The following ACTR3C variants were observed in gnomAD, a reference collection of about 807,000 sequenced individuals.
ACTR3C encodes actin related protein 3C.
Under a neutral mutation model 26.3 loss-of-function variants are expected in ACTR3C, and 18 were observed. The ratio of observed to expected loss-of-function variants is 0.68; its 90% CI spans 0.47 to 1.01. The LOEUF (loss-of-function observed/expected upper bound fraction) is 1.01, where lower values mean the gene tolerates loss of function less well. Among genes scored for constraint, ACTR3C ranks in the 50% least tolerant of loss-of-function variants. ACTR3C has a pLI of 0.00. For synonymous variants in ACTR3C, 55 were observed against 94.5 expected (o/e 0.58, Z 2.42); for missense variants, 184 against 250.7 (o/e 0.73, Z 1.80).
chr7:150,140,729 T>C, the ACTR3C span, among the ~76,000 whole-genome samples: 2 of 152,174 alleles, frequency 1.3e-5, no homozygotes, highest in East Asian at 1.9e-4. Flanking sequence ...CTTCAAAGTG[T>C]CAAAGTGAAA....
chr7:150,074,017 C>T, the ACTR3C span: 1 of 152,330 alleles, frequency 6.6e-6, no homozygotes. Flanking sequence ...CCAGGGATCA[C>T]TGTCATCACA....
At chr7:150,003,727 TGTG>T in the ACTR3C span, among the ~76,000 whole-genome samples, 5 of 152,170 alleles carry the variant, frequency 3.3e-5, no homozygotes, top group South Asian at 2.1e-4. Flanking sequence ...TCTGGTGTGG[TGTG>T]GTGTGTGGTG....
At chr7:150,268,039 G>A (rs1357482713) in intron 6 of ACTR3C, among the ~76,000 whole-genome samples, 1 of 152,144 alleles carries the variant, frequency 6.6e-6, no homozygotes, top group Non-Finnish European at 1.5e-5. Context: ...ATGGCAAGGG[G>A]CCACTCTGAG....
At chr7:149,959,022 G>T in the ACTR3C span, among the ~76,000 whole-genome samples, 5 of 152,202 alleles carry the variant, frequency 3.3e-5, no homozygotes, top group African/African-American at 1.2e-4. Context: ...CATTGATTTT[G>T]CATCCCTGCA....
the ACTR3C span, among the ~76,000 whole-genome samples, chr7:150,226,785 CA>C: frequency 6.6e-6 from 1 of 152,126 alleles, no homozygotes; most frequent in Non-Finnish European, 1.5e-5. Context: ...TGATGTTCAG[CA>C]AATCTTCTTA....
the ACTR3C span, among the ~76,000 whole-genome samples, chr7:150,084,840 G>C: frequency 6.6e-6 from 1 of 152,130 alleles, no homozygotes; most frequent in Admixed American, 6.5e-5. Context: ...AGGGGGAGTG[G>C]AAGCAGGGAC....
chr7:150,039,425 C>T, the ACTR3C span, among the ~76,000 whole-genome samples: 1 of 16,126 alleles, frequency 6.2e-5, no homozygotes, highest in Non-Finnish European at 1.2e-4. Context: ...CAGTCCCTGC[C>T]TCGCGGGGGT....
chr7:150,316,742 C>G (rs1191796922), intron 1 of ACTR3C, among the ~76,000 whole-genome samples: 1 of 152,124 alleles, frequency 6.6e-6, no homozygotes, highest in African/African-American at 2.4e-5. Flanking sequence ...CTTCGGCCTT[C>G]CGAAGTGCTG....
At chr7:149,972,081 A>G in the ACTR3C span, among the ~76,000 whole-genome samples, 1 of 152,160 alleles carries the variant, frequency 6.6e-6, no homozygotes, top group Non-Finnish European at 1.5e-5. Context: ...CATTTCTCTG[A>G]GTGTCATTTC....
At chr7:150,220,245 C>T in the ACTR3C span, among the ~76,000 whole-genome samples, 1 of 148,398 alleles carries the variant, frequency 6.7e-6, no homozygotes, top group East Asian at 1.9e-4. Flanking sequence ...GGTCTCTTAC[C>T]TTGTGGCCTT....
At chr7:150,010,331 A>C in the ACTR3C span, among the ~76,000 whole-genome samples, 3 of 152,334 alleles carry the variant, frequency 2.0e-5, no homozygotes, top group East Asian at 5.8e-4. Flanking sequence ...GGTCTCCCTG[A>C]ACCACATCAT....
chr7:150,240,730 G>T (rs1462387581), downstream of ACTR3C, among the ~76,000 whole-genome samples: 1 of 152,098 alleles, frequency 6.6e-6, no homozygotes, highest in African/African-American at 2.4e-5. Flanking sequence ...GGACACTAAA[G>T]CAAGCAAAAT....
the ACTR3C span, among the ~76,000 whole-genome samples, chr7:150,039,264 C>A: frequency 6.6e-6 from 1 of 150,728 alleles, no homozygotes; most frequent in African/African-American, 2.4e-5. Flanking sequence ...TCAATCTCTG[C>A]CTCGGGGGGG....
chr7:150,227,642 T>C, the ACTR3C span, among the ~76,000 whole-genome samples: 1 of 151,490 alleles, frequency 6.6e-6, no homozygotes, highest in East Asian at 1.9e-4. Context: ...AGGGCCCTGA[T>C]ACATTTTCAG....
At chr7:150,255,651 A>C (rs1833167952) in intron 6 of ACTR3C, among the ~76,000 whole-genome samples, 1 of 152,184 alleles carries the variant, frequency 6.6e-6, no homozygotes, top group South Asian at 2.1e-4. Flanking sequence ...AACTAGCAGG[A>C]GAAACCATTT....
At chr7:149,894,870 A>G in the ACTR3C span, among the ~76,000 whole-genome samples, 20,508 of 151,782 alleles carry the variant, frequency 0.14, 1,706 homozygotes, top group East Asian at 0.32. Context: ...ATACGATCCA[A>G]CAATCCCACT....
chr7:150,120,696 C>T, the ACTR3C span, among the ~76,000 whole-genome samples: 1 of 152,042 alleles, frequency 6.6e-6, no homozygotes, highest in Non-Finnish European at 1.5e-5. Flanking sequence ...AAAACTATTC[C>T]AAACAATAGA....
chr7:150,152,057 T>C, the ACTR3C span, among the ~76,000 whole-genome samples: 1 of 149,242 alleles, frequency 6.7e-6, no homozygotes, highest in Non-Finnish European at 1.5e-5. Context: ...AATGGGGTTT[T>C]CTAGATATAC....
the ACTR3C span, among the ~76,000 whole-genome samples, chr7:150,184,382 C>T: frequency 2.0e-5 from 3 of 150,808 alleles, no homozygotes; most frequent in Non-Finnish European, 4.4e-5. Context: ...CAGGCTGCAG[C>T]GGTCTCAGCT....
Sources: gnomAD v4.1 joint callset for allele counts (sites outside exome capture counted in the v4.1 genomes callset) on GRCh38, gnomAD v4.1.1 for gene constraint, MANE v1.5 for transcripts, NCBI Gene and HGNC (gene_info 2026-07-23, HGNC 2026-07-21) for gene names.